The following CACNG3 variants were observed in gnomAD, a reference collection of about 807,000 sequenced individuals.
CACNG3 encodes the protein voltage-dependent calcium channel gamma-3 subunit.
Under a neutral mutation model 28.5 loss-of-function variants are expected in CACNG3, and 3 were observed. That is an observed-to-expected ratio of 0.11 (90% CI 0.05 to 0.27). CACNG3 has a LOEUF of 0.27. Ranked by LOEUF, CACNG3 falls within the 10% of genes least tolerant of loss-of-function variation. The pLI, the probability that CACNG3 is intolerant of heterozygous loss-of-function variation, is 1.00. For missense variants in CACNG3, 236 were observed against 414.4 expected, an observed-to-expected ratio of 0.57 and a Z score of 3.74; for synonymous variants, 174 against 162.2, an observed-to-expected ratio of 1.07 and a Z score of -0.55.
chr16:24,268,674 C>A (rs1596621468), intron 1 of CACNG3, among the ~76,000 whole-genome samples: 2 of 152,210 alleles, frequency 1.3e-5, no homozygotes, highest in South Asian at 4.1e-4. Flanking sequence ...AAAAAAGTAA[C>A]ACTAATGATT....
chr16:24,298,031 T>C (rs1287682393), intron 1 of CACNG3, among the ~76,000 whole-genome samples: 1 of 151,918 alleles, frequency 6.6e-6, no homozygotes, highest in Non-Finnish European at 1.5e-5. Context: ...GTAATTGCTT[T>C]TCTTTATTAC....
chr16:24,317,882 G>T (rs1355745600), intron 1 of CACNG3, among the ~76,000 whole-genome samples: 1 of 152,092 alleles, frequency 6.6e-6, no homozygotes, highest in Non-Finnish European at 1.5e-5. Context: ...TTGAAGATGG[G>T]GTGATGAGAG....
chr16:24,333,727 AGCTACTCAGGAG>A (rs1899663399), intron 1 of CACNG3, among the ~76,000 whole-genome samples: 2 of 151,904 alleles, frequency 1.3e-5, no homozygotes, highest in Non-Finnish European at 2.9e-5. Context: ...CTGTAATCCT[AGCTACTCAGGAG>A]GCTAAGGTAG....
intron 1 of CACNG3, among the ~76,000 whole-genome samples, chr16:24,271,744 C>T (rs1410780385): frequency 6.6e-6 from 1 of 152,172 alleles, no homozygotes; most frequent in East Asian, 1.9e-4. Context: ...AGGAAAGACG[C>T]TGATAGAGTG....
chr16:24,305,338 G>A (rs917593128), intron 1 of CACNG3, among the ~76,000 whole-genome samples: 45 of 126,222 alleles, frequency 3.6e-4, no homozygotes, highest in African/African-American at 1.2e-3. Context: ...GTGTGTGTGT[G>A]TGTGTGTGTG....
intron 1 of CACNG3, among the ~76,000 whole-genome samples, chr16:24,266,764 C>T (rs773318469): frequency 6.6e-6 from 1 of 152,084 alleles, no homozygotes; most frequent in African/African-American, 2.4e-5. Flanking sequence ...AGGCAGGAAC[C>T]CCACCTGTGG....
In CACNG3 at chr16:24,361,256, A is replaced by G. The variant is rs1418633158; in HGVS notation, c.437-96A>G. 3 of 1,010,394 alleles carry G rather than the reference A, an allele frequency of 3.0e-6. No homozygotes were observed. Among genetic ancestry groups the G allele is most frequent in the Non-Finnish European group, 3.0e-6 (2 of 674,946 alleles). 62.6% of individuals were successfully genotyped at this position (1,010,394 alleles called of 1,614,324 possible). A position where few individuals can be genotyped will look rare whatever the true frequency, so the allele number is the denominator to read the frequency against. Reference sequence around the variant, plus strand: ...CTATAATCCATTCTCCTCTCTCCCCATTACCTCCACATTTTCTATAAATAT... The same window carrying G: ...CTATAATCCATTCTCCTCTCTCCCCGTTACCTCCACATTTTCTATAAATAT... On this transcript the variant is annotated intron_variant, in intron 3 of 3. Transcript: ENST00000005284. The surrounding 1 kb of genome is among the most constrained non-coding windows in gnomAD (Gnocchi z 6.8).
At chr16:24,299,843 G>C (rs979020208) in intron 1 of CACNG3, among the ~76,000 whole-genome samples, 2 of 152,112 alleles carry the variant, frequency 1.3e-5, no homozygotes, top group African/African-American at 2.4e-5. Flanking sequence ...ATTTGGGAGA[G>C]GGGGTAGGGG....
At chr16:24,330,739 T>G (rs887113042) in intron 1 of CACNG3, among the ~76,000 whole-genome samples, 1 of 152,188 alleles carries the variant, frequency 6.6e-6, no homozygotes, top group African/African-American at 2.4e-5. Flanking sequence ...ACACTTGTTC[T>G]CTTCAACCCT....
intron 1 of CACNG3, among the ~76,000 whole-genome samples, chr16:24,283,356 A>T (rs999723910): frequency 6.6e-6 from 1 of 152,200 alleles, no homozygotes; most frequent in African/African-American, 2.4e-5. Flanking sequence ...CCCATTTATT[A>T]AAATCTTCTT....
Position 24,346,063 on chromosome 16 carries a change from G to A in CACNG3, c.212-671G>A, listed in dbSNP as rs540139317. 4.6e-5 allele frequency among the ~76,000 whole-genome samples: 7 copies of A among 152,304 alleles called. No homozygotes were observed. In the East Asian group the frequency reaches 1.2e-3, roughly 25 times the overall value. On this transcript the variant is annotated intron_variant, in intron 1 of 3. Transcript: ENST00000005284. ...TGGTAAAATGAGCGAAAAAAATGAT[G>A]TACTTGAATTCTGCCTGCTTTTTCC...
chr16:24,337,931 A>G (rs1430783043), intron 1 of CACNG3, among the ~76,000 whole-genome samples: 1 of 151,502 alleles, frequency 6.6e-6, no homozygotes, highest in Non-Finnish European at 1.5e-5. Context: ...ATGGAGAGCT[A>G]AAGGGACAGC....
intron 1 of CACNG3, among the ~76,000 whole-genome samples, chr16:24,318,481 C>T (rs1859203): frequency 0.63 from 96,147 of 152,084 alleles, 30,755 homozygotes; most frequent in South Asian, 0.71. Flanking sequence ...CATGAATTAC[C>T]GCACCCGGCC....
intron 1 of CACNG3, among the ~76,000 whole-genome samples, chr16:24,277,834 G>C (rs1032144739): frequency 6.6e-6 from 1 of 151,662 alleles, no homozygotes. Context: ...AAGCAGAAGA[G>C]CAATAGGATC....
At chr16:24,265,550 G>A (rs772075886) in intron 1 of CACNG3, among the ~76,000 whole-genome samples, 7 of 151,900 alleles carry the variant, frequency 4.6e-5, no homozygotes, top group Non-Finnish European at 1.0e-4. Flanking sequence ...ACTCAGTGGT[G>A]TATATATATA....
chr16:24,316,791 C>T (rs1899358058), intron 1 of CACNG3, among the ~76,000 whole-genome samples: 1 of 152,228 alleles, frequency 6.6e-6, no homozygotes, highest in Non-Finnish European at 1.5e-5. Context: ...AAGTTCCTGA[C>T]ACAGTGGCCC....
chr16:24,351,517 A>G (rs1403616940), intron 2 of CACNG3, among the ~76,000 whole-genome samples: 1 of 149,690 alleles, frequency 6.7e-6, no homozygotes, highest in Non-Finnish European at 1.5e-5. Context: ...GGTTGCAGTG[A>G]GCCGGATCGC....
chr16:24,272,270 A>G (rs1342836033), intron 1 of CACNG3, among the ~76,000 whole-genome samples: 1 of 152,220 alleles, frequency 6.6e-6, no homozygotes, highest in Non-Finnish European at 1.5e-5. Context: ...TGTTTAAAAC[A>G]AAGTACACAA....
chr16:24,290,586 A>G (rs1355011736), intron 1 of CACNG3, among the ~76,000 whole-genome samples: 1 of 152,130 alleles, frequency 6.6e-6, no homozygotes, highest in Non-Finnish European at 1.5e-5. Context: ...TGGGGATAAA[A>G]TTGTAGTCAT....
Sources: allele counts gnomAD v4.1 joint callset (sites outside exome capture counted in the v4.1 genomes callset), GRCh38; gene constraint gnomAD v4.1.1; non-coding constraint Gnocchi (gnomAD v3.1); transcripts MANE v1.5; gene names NCBI Gene and HGNC (gene_info 2026-07-23, HGNC 2026-07-21).